Variants in BAMBI observed in about 807,000 individuals in gnomAD.
BAMBI encodes the protein BMP and activin membrane-bound inhibitor homolog.
In BAMBI, 21 loss-of-function variants were observed where a neutral mutation model predicts 24.1. The observed-to-expected ratio is 0.87, with a 90% CI of 0.62 to 1.26. The LOEUF is 1.26. Ranked by LOEUF, BAMBI falls within the 50% of genes most tolerant of loss-of-function variation. BAMBI has a pLI of 0.00. For synonymous variants in BAMBI, 156 were observed against 123.1 expected (o/e 1.27, Z -1.77); for missense variants, 388 against 329.1 (o/e 1.18, Z -1.38).
At chr10:28,680,973 TATACTC>T (rs1834491061) in intron 1 of BAMBI, among the ~76,000 whole-genome samples, 1 of 152,184 alleles carries the variant, frequency 6.6e-6, no homozygotes, top group African/African-American at 2.4e-5. Flanking sequence ...TAGGAGAAAT[TATACTC>T]ATTACTATTT....
intron 1 of BAMBI, among the ~76,000 whole-genome samples, chr10:28,679,564 T>TA (rs1471472663): frequency 6.6e-6 from 1 of 152,210 alleles, no homozygotes; most frequent in East Asian, 1.9e-4. Context: ...CTTTCCCAGT[T>TA]ACCTGTCAAA....
At position 28,682,889 on chromosome 10, in the gene BAMBI, TTTTC is replaced by T. The variant is rs75123807; in HGVS notation, c.*490_*493del. The T allele has an allele frequency of 0.13, 20,373 of 152,332 alleles. 1,825 individuals carry two copies. The highest frequency in any genetic ancestry group is 0.36 in the East Asian group (1,827 of 5,144). 9.4% of individuals were successfully genotyped at this position (152,332 alleles called of 1,614,324 possible). Reference sequence around the variant, plus strand: ...CTCTAGGATGTGGCTTGGTTTTTTTTTTTCTCTTTTCTTTTTTAAACAAGACCAA... The same window carrying T: ...CTCTAGGATGTGGCTTGGTTTTTTTTTCTTTTCTTTTTTAAACAAGACCAA... On this transcript the variant is annotated 3_prime_UTR_variant, in exon 3 of 3. Transcript: ENST00000375533.
At position 28,682,177 on chromosome 10, in the gene BAMBI, CG is replaced by C; in HGVS notation, c.561del (p.Gln188AsnfsTer24). ...RSENKRLQDQ[R>X]QQMLSRLHYS... ...TGAAAATAAGAGGCTGCAGGATCAG[CG>C]GCAACAGATGCTCTCCCGTTTGCAC... On this transcript the variant is annotated frameshift_variant, in exon 3 of 3. Transcript: ENST00000375533. LOFTEE classifies it high-confidence loss of function. 1 of 1,614,134 alleles carries C rather than the reference CG, an allele frequency of 6.2e-7. No individual in the cohort carries two copies. Among genetic ancestry groups the C allele is most frequent in the Non-Finnish European group, 8.5e-7 (1 of 1,180,036 alleles).
chr10:28,681,451 C>G lies in BAMBI; in HGVS notation c.270C>G (p.Gly90=), dbSNP rs1177147353. The part of the protein sequence containing the change: ...CQAKQARNHS[G]TTIPTLECCH... ...CCAAACAGGCCCGAAACCACTCTGG[C>G]ACCACCATACCCACATTGGAATGCT... The change falls in exon 2 of 3, where the codon GGC becomes GGG. Residue 90 remains glycine, a synonymous_variant. Transcript: ENST00000375533. 7 of 1,614,086 alleles carry G rather than the reference C, an allele frequency of 4.3e-6. No homozygotes were observed. The highest frequency in any genetic ancestry group is 5.9e-6 in the Non-Finnish European group (7 of 1,180,052).
rs1834450458 is a variant in BAMBI at position 28,677,660 on chromosome 10, C to G, written c.-238C>G. On this transcript the variant is annotated 5_prime_UTR_variant, in exon 1 of 3. Coordinates refer to ENST00000375533, the MANE Select transcript of BAMBI (RefSeq NM_012342.3). ...CGGGGCTAGCGTGCGTCCCTAGAGT[C>G]GAGCGGGGCAAGGGAGCCAGTGGCC... The G allele has an allele frequency of 1.2e-5, 3 of 255,782 alleles. No individual in the cohort carries two copies. Among genetic ancestry groups the G allele is most frequent in the East Asian group, 1.5e-4 (2 of 13,248 alleles). The allele number at this position is 255,782 out of a possible 1,614,324, so 15.8% of individuals were successfully genotyped here. A position where few individuals can be genotyped will look rare whatever the true frequency, so the allele number is the denominator to read the frequency against.
At position 28,682,493 on chromosome 10, in the gene BAMBI, T is replaced by C. The variant is rs1039650579; in HGVS notation, c.*92T>C. Reference sequence around the variant, plus strand: ...CACTTTATCTGAAGACAAACTCATTTAATCATCTTTGAGAGACAAAATGAC... The same window carrying C: ...CACTTTATCTGAAGACAAACTCATTCAATCATCTTTGAGAGACAAAATGAC... On this transcript the variant is annotated 3_prime_UTR_variant, in exon 3 of 3. Transcript: ENST00000375533. 14 of 1,214,728 alleles carry C rather than the reference T, an allele frequency of 1.2e-5. No homozygotes were observed. Among genetic ancestry groups the C allele is most frequent in the Non-Finnish European group, 1.6e-5 (14 of 865,670 alleles). 75.2% of individuals were successfully genotyped at this position (1,214,728 alleles called of 1,614,324 possible). A position where few individuals can be genotyped will look rare whatever the true frequency, so the allele number is the denominator to read the frequency against.
At chr10:28,678,818 A>T (rs1213476251) in intron 1 of BAMBI, among the ~76,000 whole-genome samples, 1 of 123,454 alleles carries the variant, frequency 8.1e-6, no homozygotes, top group Non-Finnish European at 1.6e-5. Flanking sequence ...TACAAACAGG[A>T]CCAAAAAAAA....
chr10:28,682,035 G>A lies in BAMBI; in HGVS notation c.417G>A (p.Val139=). 1 of 1,614,188 alleles carries A rather than the reference G, an allele frequency of 6.2e-7. No individual in the cohort carries two copies. Among genetic ancestry groups the A allele is most frequent in the South Asian group, 1.1e-5 (1 of 91,086 alleles). The stretch of plus-strand genomic sequence containing the variant: ...GTAGCAGAAACCTTATCACCAAGGT[G>A]CAGGAGCTGACTTCTTCCAAAGAGT... ...HDGSRNLITK[V]QELTSSKELW... is the part of the protein sequence containing the mutation. The change falls in exon 3 of 3, where the codon GTG becomes GTA. Residue 139 remains valine, a synonymous_variant. Transcript: ENST00000375533.
At position 28,677,850 on chromosome 10, in the gene BAMBI, C is replaced by G. The variant is rs1249175160; in HGVS notation, c.-48C>G. The G allele has an allele frequency of 6.9e-7, 1 of 1,452,162 alleles. No individual in the cohort carries two copies. 90.0% of individuals were successfully genotyped at this position (1,452,162 alleles called of 1,614,324 possible). A position where few individuals can be genotyped will look rare whatever the true frequency, so the allele number is the denominator to read the frequency against. On this transcript the variant is annotated 5_prime_UTR_variant, in exon 1 of 3. Transcript: ENST00000375533. ...CCGGGGGTCGTAGGCTGCCGCCGAGCCGGGGCTCCGGAAGCCGGCGGGGGC... is the reference window on the plus strand; with the variant it reads ...CCGGGGGTCGTAGGCTGCCGCCGAGGCGGGGCTCCGGAAGCCGGCGGGGGC...
chr10:28,678,006 C>G (rs1258208977), intron 1 of BAMBI, 33 bp downstream of exon 1: 3 of 1,497,370 alleles, frequency 2.0e-6, no homozygotes, highest in Non-Finnish European at 1.8e-6. Context: ...GCCCGGGGTC[C>G]CGTCCTCGCC....
chr10:28,680,230 G>T (rs1254585370), intron 1 of BAMBI, among the ~76,000 whole-genome samples: 4 of 152,128 alleles, frequency 2.6e-5, no homozygotes, highest in African/African-American at 9.7e-5. Flanking sequence ...GCATGTGACA[G>T]CGACCAGGGT....
chr10:28,680,248 G>A (rs1264099993), intron 1 of BAMBI, among the ~76,000 whole-genome samples: 1 of 152,150 alleles, frequency 6.6e-6, no homozygotes, highest in Non-Finnish European at 1.5e-5. Flanking sequence ...GGTCCACTAG[G>A]TGGATATTGT....
At chr10:28,680,100 A>G (rs920033521) in intron 1 of BAMBI, among the ~76,000 whole-genome samples, 2 of 152,170 alleles carry the variant, frequency 1.3e-5, no homozygotes, top group African/African-American at 4.8e-5. Flanking sequence ...GAATAAAGGT[A>G]AGGGTGGGAA....
Position 28,678,413 on chromosome 10 carries a change from GTC to G in BAMBI, c.76+444_76+445del, listed in dbSNP as rs529470153. On this transcript the variant is annotated intron_variant, in intron 1 of 2. Coordinates refer to ENST00000375533, the MANE Select transcript of BAMBI (RefSeq NM_012342.3). Reference sequence around the variant, plus strand: ...TCAGTATCCCTAAATGCATTTTTGTGTCTCTGAGTGTCGTTGTGTTTCTGAAA... The same window carrying G: ...TCAGTATCCCTAAATGCATTTTTGTGTCTGAGTGTCGTTGTGTTTCTGAAA... 1.4e-3 allele frequency among the ~76,000 whole-genome samples: 207 copies of G among 152,342 alleles called. 3 individuals carry two copies. The highest frequency in any genetic ancestry group is 4.8e-3 in the Admixed American group (73 of 15,308).
chr10:28,678,941 A>G (rs1834467866), intron 1 of BAMBI, among the ~76,000 whole-genome samples: 1 of 152,164 alleles, frequency 6.6e-6, no homozygotes, highest in South Asian at 2.1e-4. Flanking sequence ...CTGCTGTGAA[A>G]TCTACCTACT....
At chr10:28,681,203 G>A (rs2132946174) in intron 1 of BAMBI, 55 bp from the exon 2 acceptor site, 1 of 1,561,778 alleles carries the variant, frequency 6.4e-7, no homozygotes, top group East Asian at 2.2e-5. Flanking sequence ...TGCCTAAATA[G>A]TTGCTTTATC....
rs776763673 is a variant in BAMBI, at chr10:28,677,961, C to T, written c.64C>T (p.Leu22=). The stretch of plus-strand genomic sequence containing the variant: ...GCTGGAGCTCTGCGCCATGGCCGTG[C>T]TGCTCACCAAAGGTGGGTGCCGGGG... ...LQLELCAMAV[L]LTKGEIRCYC... The change falls in exon 1 of 3, where the codon CTG becomes TTG. Residue 22 remains leucine (L), a synonymous_variant. Transcript: ENST00000375533. 2.0e-6 allele frequency: 3 copies of T among 1,528,872 alleles called. No homozygotes were observed. Among genetic ancestry groups the T allele is most frequent in the African/African-American group, 1.4e-5 (1 of 71,572 alleles). The allele number at this position is 1,528,872 out of a possible 1,614,324, so 94.7% of individuals were successfully genotyped here.
At chr10:28,678,322 C>T (rs954785684) in intron 1 of BAMBI, among the ~76,000 whole-genome samples, 14 of 152,228 alleles carry the variant, frequency 9.2e-5, no homozygotes, top group Admixed American at 8.5e-4. Context: ...CCTGTAGCTG[C>T]CGCGTGCCCT....
In BAMBI at chr10:28,682,883, T is replaced by G. The variant is rs1030778982; in HGVS notation, c.*482T>G. The G allele has an allele frequency of 6.8e-6, 1 of 146,926 alleles. No individual in the cohort carries two copies. The highest frequency in any genetic ancestry group is 1.5e-5 in the Non-Finnish European group (1 of 66,878). 9.1% of individuals were successfully genotyped at this position (146,926 alleles called of 1,614,324 possible). On this transcript the variant is annotated 3_prime_UTR_variant, in exon 3 of 3. Coordinates refer to ENST00000375533, the MANE Select transcript of BAMBI (RefSeq NM_012342.3). ...TCTCAACTCTAGGATGTGGCTTGGT[T>G]TTTTTTTTTCTCTTTTCTTTTTTAA...
Sources: allele counts gnomAD v4.1 joint callset (sites outside exome capture counted in the v4.1 genomes callset), GRCh38; gene constraint gnomAD v4.1.1; transcripts MANE v1.5; gene names NCBI Gene and HGNC (gene_info 2026-07-23, HGNC 2026-07-21).